The following CEP128 variants were observed in gnomAD, a reference collection of about 807,000 sequenced individuals.
The protein encoded by CEP128 is centrosomal protein 128kDa.
In CEP128, 132 loss-of-function variants were observed where a neutral mutation model predicts 156.7. The ratio of observed to expected loss-of-function variants is 0.84; its 90% CI spans 0.73 to 0.97. CEP128 has a LOEUF of 0.97. CEP128 is among the 50% of genes least tolerant of loss of function. The pLI, the probability that CEP128 is intolerant of heterozygous loss-of-function variation, is 0.00. For missense variants in CEP128, 1,252 were observed against 1,281.9 expected (o/e 0.98, Z 0.36); for synonymous variants, 469 against 448.9 (o/e 1.04, Z -0.57).
intron 19 of CEP128, among the ~76,000 whole-genome samples, chr14:80,649,278 A>G (rs1016547637): frequency 1.3e-5 from 2 of 152,116 alleles, no homozygotes; most frequent in Non-Finnish European, 2.9e-5. Flanking sequence ...ACTTGTGGGT[A>G]CACAAAGAAG....
At chr14:80,599,845 T>A (rs1478337711) in intron 19 of CEP128, among the ~76,000 whole-genome samples, 1 of 152,046 alleles carries the variant, frequency 6.6e-6, no homozygotes, top group Non-Finnish European at 1.5e-5. Context: ...ATCTAAAAAA[T>A]AACCAAGTAG....
intron 19 of CEP128, among the ~76,000 whole-genome samples, chr14:80,700,627 C>T (rs954574478): frequency 1.3e-5 from 2 of 152,004 alleles, no homozygotes; most frequent in Admixed American, 6.6e-5. Context: ...GGGCTTAGTC[C>T]TAGTCATTCC....
exon 7 of CEP128, chr14:80,490,500 C>G (rs1887288477): frequency 6.6e-6 from 1 of 152,138 alleles, no homozygotes; most frequent in South Asian, 2.1e-4. Context: ...CTTTTATAAT[C>G]AAATACTACT....
chr14:80,728,298 G>A (rs1898096605), intron 19 of CEP128, among the ~76,000 whole-genome samples: 1 of 152,158 alleles, frequency 6.6e-6, no homozygotes, highest in African/African-American at 2.4e-5. Flanking sequence ...ACTTATTAGT[G>A]AGACCTGAAC....
At chr14:80,821,679 A>ATT (rs540217060) in intron 13 of CEP128, among the ~76,000 whole-genome samples, 3 of 143,390 alleles carry the variant, frequency 2.1e-5, no homozygotes, top group Admixed American at 1.4e-4. Flanking sequence ...GCCCCATTTA[A>ATT]TTTTTTTTTT....
chr14:80,737,264 C>G (rs369468010), intron 19 of CEP128, among the ~76,000 whole-genome samples: 2 of 151,896 alleles, frequency 1.3e-5, no homozygotes, highest in Admixed American at 1.3e-4. Flanking sequence ...ATTAGCCAGG[C>G]GTGGTGGCAC....
intron 13 of CEP128, among the ~76,000 whole-genome samples, chr14:80,815,145 G>A (rs1269402334): frequency 1.3e-5 from 2 of 152,096 alleles, no homozygotes; most frequent in South Asian, 2.1e-4. Flanking sequence ...TGCTGAATAG[G>A]AGAAAATATT....
chr14:80,484,317 G>C (rs555590070), intron 14 of CEP128, among the ~76,000 whole-genome samples: 24 of 152,244 alleles, frequency 1.6e-4, no homozygotes, highest in African/African-American at 5.1e-4. Context: ...CTATATGCTA[G>C]ACCTCTGGCT....
chr14:80,713,364 A>C (rs1897483775), intron 19 of CEP128, among the ~76,000 whole-genome samples: 1 of 152,000 alleles, frequency 6.6e-6, no homozygotes, highest in African/African-American at 2.4e-5. Context: ...TGCCTCCCTG[A>C]ATTTCTTCCT....
intron 23 of CEP128, among the ~76,000 whole-genome samples, chr14:80,526,350 T>C (rs1307920801): frequency 2.0e-5 from 3 of 152,110 alleles, no homozygotes; most frequent in Admixed American, 6.5e-5. Flanking sequence ...CTCTAGAGAA[T>C]GTATGCTTTT....
intron 13 of CEP128, among the ~76,000 whole-genome samples, chr14:80,822,186 C>T (rs1245046977): frequency 6.6e-6 from 1 of 152,128 alleles, no homozygotes; most frequent in Non-Finnish European, 1.5e-5. Context: ...CCAATCATGC[C>T]TTCCCAACAG....
At chr14:80,884,202 G>A (rs1888684020) in intron 8 of CEP128, among the ~76,000 whole-genome samples, 1 of 152,156 alleles carries the variant, frequency 6.6e-6, no homozygotes, top group Non-Finnish European at 1.5e-5. Flanking sequence ...AAAAAGCACA[G>A]GCAGCCAAAG....
chr14:80,865,769 C>T (rs115580400), intron 8 of CEP128, among the ~76,000 whole-genome samples: 48 of 152,192 alleles, frequency 3.2e-4, no homozygotes, highest in African/African-American at 1.1e-3. Context: ...AGATGCTCTA[C>T]GGAGACGCCA....
At chr14:80,938,526 C>T (rs959724016) in intron 2 of CEP128, among the ~76,000 whole-genome samples, 3 of 152,200 alleles carry the variant, frequency 2.0e-5, no homozygotes, top group Admixed American at 6.5e-5. Context: ...GGATTACAGG[C>T]GTGAGCCACC....
chr14:80,676,181 C>T (rs1896052485), intron 19 of CEP128, among the ~76,000 whole-genome samples: 2 of 152,034 alleles, frequency 1.3e-5, no homozygotes, highest in Non-Finnish European at 1.5e-5. Context: ...TCCTTCTATT[C>T]ATAAACACAA....
intron 19 of CEP128, among the ~76,000 whole-genome samples, chr14:80,730,485 G>A (rs1898224060): frequency 6.6e-6 from 1 of 152,184 alleles, no homozygotes. Context: ...CTTCTAGCTG[G>A]AGACATGACT....
intron 19 of CEP128, among the ~76,000 whole-genome samples, chr14:80,597,153 A>G (rs868530617): frequency 1.3e-5 from 2 of 152,074 alleles, no homozygotes; most frequent in Non-Finnish European, 2.9e-5. Context: ...AAAGTTCAAT[A>G]AAATTGACAA....
At chr14:80,607,563 A>G (rs188246915) in intron 19 of CEP128, among the ~76,000 whole-genome samples, 2 of 152,166 alleles carry the variant, frequency 1.3e-5, no homozygotes, top group African/African-American at 4.8e-5. Context: ...CAAATTCTAC[A>G]TGGATCAAGA....
At chr14:80,643,561 T>C (rs1308619064) in intron 19 of CEP128, among the ~76,000 whole-genome samples, 1 of 152,034 alleles carries the variant, frequency 6.6e-6, no homozygotes, top group East Asian at 1.9e-4. Context: ...AATACAAAAA[T>C]TAGTCGGGTG....
Sources: allele counts gnomAD v4.1 joint callset (sites outside exome capture counted in the v4.1 genomes callset), GRCh38; gene constraint gnomAD v4.1.1; transcripts MANE v1.5; gene names NCBI Gene and HGNC (gene_info 2026-07-23, HGNC 2026-07-21).